The following C1orf159 variants were observed in gnomAD, a reference collection of about 807,000 sequenced individuals.
The protein encoded by C1orf159 is uncharacterized protein C1orf159.
C1orf159 carries 19 observed loss-of-function variants against 25.6 expected under a neutral mutation model. The ratio of observed to expected loss-of-function variants is 0.74; its 90% CI spans 0.52 to 1.09. The LOEUF is 1.09. Ranked by LOEUF, C1orf159 falls within the 50% of genes least tolerant of loss-of-function variation. C1orf159 has a pLI of 0.00. For missense variants in C1orf159, 274 were observed against 290.6 expected, an observed-to-expected ratio of 0.94 and a Z score of 0.42; for synonymous variants, 139 against 124.7, an observed-to-expected ratio of 1.12 and a Z score of -0.77.
At chr1:1,086,157 T>C in intron 6 of C1orf159, 145 bp from the exon 7 acceptor site, 1 of 1,050,524 alleles carries the variant, frequency 9.5e-7, no homozygotes, top group South Asian at 1.6e-5. Context: ...CCGAGGGCTC[T>C]GCACATGGGC....
intron 1 of C1orf159, among the ~76,000 whole-genome samples, chr1:1,093,527 G>A (rs530786797): frequency 1.1e-4 from 16 of 152,338 alleles, no homozygotes; most frequent in African/African-American, 2.9e-4. Flanking sequence ...CCGGGCTCCC[G>A]GCAGCCAGGA....
chr1:1,091,187 G>A, intron 3 of C1orf159: 2 of 616,308 alleles, frequency 3.2e-6, no homozygotes, highest in Non-Finnish European at 5.7e-6. Context: ...ACGCTGTGCT[G>A]TCACCGCTGG....
rs964147187 is a variant in C1orf159, at chr1:1,089,133, C to T, written c.148+1220G>A. On this transcript the variant is annotated intron_variant, in intron 4 of 9. Coordinates refer to ENST00000421241, the MANE Select transcript of C1orf159 (RefSeq NM_017891.5). This position sits in a 1 kb window ranked among gnomAD's most constrained non-coding sequence, Gnocchi z 7.5. ...GCTTGGGGCCGCACGCAGGGGGAAG[C>T]GTATCCAACACCGCAGGCCCGGCCC... Among the ~76,000 whole-genome samples, 2 of 152,182 alleles carry T rather than the reference C, an allele frequency of 1.3e-5. No individual in the cohort carries two copies. Among genetic ancestry groups the T allele is most frequent in the African/African-American group, 4.8e-5 (2 of 41,444 alleles).
At chr1:1,101,899 C>G (rs1207289529) in intron 1 of C1orf159, among the ~76,000 whole-genome samples, 1 of 151,760 alleles carries the variant, frequency 6.6e-6, no homozygotes, top group East Asian at 1.9e-4. Context: ...TGGAGAAACC[C>G]CGTATCTACT....
intron 1 of C1orf159, among the ~76,000 whole-genome samples, chr1:1,109,435 C>T (rs928592047): frequency 6.6e-6 from 1 of 151,950 alleles, no homozygotes; most frequent in Admixed American, 6.6e-5. Context: ...TTCCTTTCCT[C>T]TTTTCTCCTT....
At chr1:1,086,057 G>A (rs760646196) in intron 6 of C1orf159, 45 bp from the exon 7 acceptor site, 1 of 1,604,530 alleles carries the variant, frequency 6.2e-7, no homozygotes, top group South Asian at 1.1e-5. Flanking sequence ...CGGTGGCCCT[G>A]GCTCCTCGCC....
chr1:1,082,913 C>T lies in C1orf159; in HGVS notation c.577G>A (p.Ala193Thr), dbSNP rs1478832339. 2.5e-6 allele frequency: 4 copies of T among 1,597,332 alleles called. No homozygotes were observed. Among genetic ancestry groups the T allele is most frequent in the African/African-American group, 2.7e-5 (2 of 74,638 alleles). Reference protein sequence around the residue: ...ATDPAAFPGEARISNV With the variant: ...ATDPAAFPGETRISNV ...CCAGGTCAGACATTGCTGATACGGG[C>T]CTCCCCCGGGAAGGCAGCGGGATCC... is the stretch of plus-strand genomic sequence containing the variant. Residue 193 changes from alanine (A) to threonine (T), a missense_variant, in exon 10 of 10, where the codon GCC becomes ACC. By Grantham distance (58) the Ala-to-Thr change is moderately conservative. Transcript: ENST00000421241.
chr1:1,086,136 G>A lies in C1orf159; in HGVS notation c.311-124C>T, dbSNP rs546549879. 4.2e-4 allele frequency: 516 copies of A among 1,224,980 alleles called. 3 individuals carry two copies. In the African/African-American group the frequency reaches 6.5e-3, roughly 15 times the overall value. The allele number at this position is 1,224,980 out of a possible 1,614,324, so 75.9% of individuals were successfully genotyped here. On this transcript the variant is annotated intron_variant, in intron 6 of 9. Coordinates refer to ENST00000421241, the MANE Select transcript of C1orf159 (RefSeq NM_017891.5). The stretch of plus-strand genomic sequence containing the variant: ...GAACATGCCTGAGCCTCACGGGACC[G>A]GCTGTGGGTGCCGAGGGCTCTGCAC...
At chr1:1,104,332 A>C (rs1188470124) in intron 1 of C1orf159, among the ~76,000 whole-genome samples, 1 of 152,160 alleles carries the variant, frequency 6.6e-6, no homozygotes, top group Admixed American at 6.5e-5. Context: ...CCACACTATC[A>C]TGTGGGGACT....
intron 1 of C1orf159, among the ~76,000 whole-genome samples, chr1:1,115,600 C>T (rs1237152628): frequency 7.3e-5 from 7 of 96,202 alleles, no homozygotes; most frequent in African/African-American, 2.6e-4. Flanking sequence ...GGGAACCCTT[C>T]CCCTCCCCAG....
At position 1,084,441 on chromosome 1, in the gene C1orf159, C is replaced by T. The variant is rs533632964; in HGVS notation, c.471+40G>A. The T allele has an allele frequency of 5.1e-5, 81 of 1,575,290 alleles. 2 individuals are homozygous for T. The South Asian group carries it at 5.6e-4, about 11-fold the overall frequency. On this transcript the variant is annotated intron_variant, in intron 8 of 9. Coordinates refer to ENST00000421241, the MANE Select transcript of C1orf159 (RefSeq NM_017891.5). ...CGGGATGGCCTGGCACAGGCACACG[C>T]GGCCAGGGACGCTCAGCCCGGATGA... is the stretch of plus-strand genomic sequence containing the variant.
At chr1:1,114,033 C>T (rs1002833743) in intron 1 of C1orf159, among the ~76,000 whole-genome samples, 4 of 151,738 alleles carry the variant, frequency 2.6e-5, no homozygotes, top group African/African-American at 9.7e-5. Context: ...TCTCCTGCCT[C>T]AGCCTCCTGA....
At chr1:1,091,903 A>G (rs1645945344) in intron 2 of C1orf159, 88 bp downstream of exon 2, 6 of 451,522 alleles carry the variant, frequency 1.3e-5, no homozygotes, top group South Asian at 1.0e-4. Flanking sequence ...ACGACAGGGA[A>G]GGTGGAGCCA....
At chr1:1,113,831 G>A (rs2100782598) in intron 1 of C1orf159, among the ~76,000 whole-genome samples, 1 of 152,140 alleles carries the variant, frequency 6.6e-6, no homozygotes, top group African/African-American at 2.4e-5. Context: ...GGGGTGGGCC[G>A]TCCACCCGCA....
rs139944177 is a variant in C1orf159 at position 1,087,155 on chromosome 1, G to T, written c.294C>A (p.Pro98=). Residue 98 remains proline, a synonymous_variant, in exon 6 of 10, where the codon CCC becomes CCA. Transcript: ENST00000421241. This position sits in a 1 kb window ranked among gnomAD's most constrained non-coding sequence, Gnocchi z 8.3. ...GAGACTTACCAGGATGTGGCCGCCC[G>T]GGGGTCCCTGAGCTTCTGTTCATGG... is the stretch of plus-strand genomic sequence containing the variant. ...PFPMNRSSGT[P]GRPHPGAPRV... is the part of the protein sequence containing the mutation. 718 of 1,609,586 alleles carry T rather than the reference G, an allele frequency of 4.5e-4. 5 individuals carry two copies. The African/African-American group carries it at 8.3e-3, about 19-fold the overall frequency.
Position 1,087,223 on chromosome 1 carries a change from G to A in C1orf159, c.245-19C>T. 1 of 1,597,540 alleles carries A rather than the reference G, an allele frequency of 6.3e-7. No homozygotes were observed. The highest frequency in any genetic ancestry group is 8.5e-7 in the Non-Finnish European group (1 of 1,172,224). On this transcript the variant is annotated intron_variant, in intron 5 of 9. Transcript: ENST00000421241. This position sits in a 1 kb window ranked among gnomAD's most constrained non-coding sequence, Gnocchi z 8.3. Reference sequence around the variant, plus strand: ...CCAGCAACTGTGGGATAGCAGAACTGTGGGAAGCCTGTGTGCACGGAGCCC... The same window carrying A: ...CCAGCAACTGTGGGATAGCAGAACTATGGGAAGCCTGTGTGCACGGAGCCC...
At chr1:1,086,865 G>A (rs1645838455) in intron 6 of C1orf159, among the ~76,000 whole-genome samples, 1 of 152,210 alleles carries the variant, frequency 6.6e-6, no homozygotes, top group South Asian at 2.1e-4. Flanking sequence ...GCGTGTGGCT[G>A]TGAGCTGTGT....
chr1:1,103,809 G>A (rs766113760), intron 1 of C1orf159, among the ~76,000 whole-genome samples: 30 of 151,932 alleles, frequency 2.0e-4, no homozygotes, highest in Non-Finnish European at 2.9e-4. Flanking sequence ...CTCTCACCCC[G>A]GCCTCCTGAA....
At chr1:1,107,556 A>G (rs1646191030) in intron 1 of C1orf159, among the ~76,000 whole-genome samples, 1 of 152,156 alleles carries the variant, frequency 6.6e-6, no homozygotes, top group Non-Finnish European at 1.5e-5. Context: ...AGGACTGTAA[A>G]TATCATTCTG....
Sources: allele counts gnomAD v4.1 joint callset (sites outside exome capture counted in the v4.1 genomes callset), GRCh38; gene constraint gnomAD v4.1.1; non-coding constraint Gnocchi (gnomAD v3.1); transcripts MANE v1.5; gene names NCBI Gene and HGNC (gene_info 2026-07-23, HGNC 2026-07-21).